Variants in SETBP1 observed in about 807,000 individuals in gnomAD.
The protein encoded by SETBP1 is SET binding protein 1, also known as SET-binding protein.
A neutral mutation model predicts 101.0 loss-of-function variants in SETBP1; 9 were observed. The observed-to-expected ratio is 0.09, with a 90% CI of 0.05 to 0.16. The LOEUF (loss-of-function observed/expected upper bound fraction) is 0.16. Ranked by LOEUF, SETBP1 falls within the 10% of genes least tolerant of loss-of-function variation. The probability of loss-of-function intolerance (pLI) is 1.00; values close to 1 mark genes in which losing one functional copy is unlikely to be tolerated. For missense variants in SETBP1, 1,858 were observed against 2,033.8 expected (o/e 0.91, Z 1.66); for synonymous variants, 818 against 788.5 (o/e 1.04, Z -0.63).
intron 1 of SETBP1, among the ~76,000 whole-genome samples, chr18:44,688,705 G>A (rs764447668): frequency 8.6e-5 from 13 of 151,930 alleles, no homozygotes; most frequent in South Asian, 4.2e-4. Flanking sequence ...CGCCTGCCTC[G>A]GCCTCCCAAA....
At chr18:44,682,623 G>A (rs899032488) in intron 1 of SETBP1, among the ~76,000 whole-genome samples, 3 of 152,204 alleles carry the variant, frequency 2.0e-5, no homozygotes, top group African/African-American at 7.2e-5. Flanking sequence ...CTCATTGCCT[G>A]TTCCCAGAAA....
intron 2 of SETBP1, among the ~76,000 whole-genome samples, chr18:44,713,338 C>CGGG (rs569058546): frequency 1.6e-4 from 24 of 151,654 alleles, no homozygotes; most frequent in African/African-American, 5.8e-4. Context: ...AAGGCCTTCA[C>CGGG]GGGGGGGGAC....
At chr18:45,057,911 G>T (rs1034026083) in intron 5 of SETBP1, among the ~76,000 whole-genome samples, 2 of 152,150 alleles carry the variant, frequency 1.3e-5, no homozygotes, top group African/African-American at 4.8e-5. Flanking sequence ...TACAAATTCT[G>T]CATCCAAAAA....
chr18:44,742,274 C>T (rs1015620498), intron 2 of SETBP1, among the ~76,000 whole-genome samples: 4 of 152,200 alleles, frequency 2.6e-5, no homozygotes, highest in African/African-American at 9.6e-5. Flanking sequence ...CCCCGCACCC[C>T]GGTCTCCTGA....
chr18:44,772,919 A>G (rs2070908208), intron 2 of SETBP1, among the ~76,000 whole-genome samples: 1 of 152,222 alleles, frequency 6.6e-6, no homozygotes, highest in Non-Finnish European at 1.5e-5. Flanking sequence ...TATTCTATTC[A>G]TATTTTCATA....
intron 2 of SETBP1, among the ~76,000 whole-genome samples, chr18:44,846,927 G>A (rs2072736204): frequency 6.6e-6 from 1 of 152,158 alleles, no homozygotes; most frequent in African/African-American, 2.4e-5. Context: ...TTTCCACATG[G>A]GGCTGAGGCT....
chr18:44,952,758 G>A lies in SETBP1; in HGVS notation c.3418G>A (p.Ala1140Thr). The A allele has an allele frequency of 6.2e-7, 1 of 1,614,100 alleles. No individual in the cohort carries two copies. Among genetic ancestry groups the A allele is most frequent in the Non-Finnish European group, 8.5e-7 (1 of 1,180,016 alleles). ...PSLNPPKVGSASLSSGRLHKR... is the reference protein window; with the variant it reads ...PSLNPPKVGSTSLSSGRLHKR... ...TCTGAACCCTCCCAAGGTAGGCAGT[G>A]CCAGTCTGTCCAGTGGTCGGCTCCA... Residue 1140 changes from alanine to threonine, a missense_variant, in exon 4 of 6, where the codon GCC becomes ACC. Ala to Thr is a moderately conservative substitution (Grantham distance 58, BLOSUM62 0). This residue lies in a region of SETBP1 where 417 missense variants were observed against 389.1 expected (regional missense o/e 1.07). Coordinates refer to ENST00000649279, the MANE Select transcript of SETBP1 (RefSeq NM_015559.3).
intron 3 of SETBP1, among the ~76,000 whole-genome samples, chr18:44,929,283 C>T (rs1305172116): frequency 6.6e-6 from 1 of 152,096 alleles, no homozygotes; most frequent in Admixed American, 6.6e-5. Flanking sequence ...TACTCTGTTC[C>T]ATTGGTCTAT....
intron 2 of SETBP1, among the ~76,000 whole-genome samples, chr18:44,734,932 C>A (rs1289259790): frequency 1.3e-5 from 2 of 152,216 alleles, no homozygotes; most frequent in Non-Finnish European, 2.9e-5. Flanking sequence ...CAAATTGACT[C>A]TATATGATTA....
intron 2 of SETBP1, among the ~76,000 whole-genome samples, chr18:44,764,993 C>A (rs1228898248): frequency 1.3e-5 from 2 of 152,092 alleles, no homozygotes; most frequent in Non-Finnish European, 2.9e-5. Context: ...GTGAAGTAAT[C>A]CCCTCTAAAA....
At chr18:44,757,207 C>A (rs2070516325) in intron 2 of SETBP1, among the ~76,000 whole-genome samples, 1 of 152,118 alleles carries the variant, frequency 6.6e-6, no homozygotes, top group Non-Finnish European at 1.5e-5. Flanking sequence ...CCTTCAGTGG[C>A]CACTCCCCCT....
intron 2 of SETBP1, among the ~76,000 whole-genome samples, chr18:44,738,126 A>T (rs1383412026): frequency 6.6e-6 from 1 of 152,172 alleles, no homozygotes; most frequent in African/African-American, 2.4e-5. Flanking sequence ...TGACTTGCCC[A>T]TATAAACTGC....
Position 45,063,428 on chromosome 18 carries a change from C to T in SETBP1, c.4521C>T (p.Ala1507=). The T allele has an allele frequency of 4.0e-6, 6 of 1,515,168 alleles. 1 individual carries two copies. Among genetic ancestry groups the T allele is most frequent in the South Asian group, 3.9e-5 (3 of 77,712 alleles). The allele number at this position is 1,515,168 out of a possible 1,614,324, so 93.9% of individuals were successfully genotyped here. The change falls in exon 6 of 6, where the codon GCC becomes GCT. Residue 1507 remains alanine, a synonymous_variant. Transcript: ENST00000649279. ...EPAASQDTIM[A]TIEAVIHMAR... ...CCGCCAGCCAAGACACCATCATGGCCACCATCGAGGCGGTCATCCACATGG... is the reference window on the plus strand; with the variant it reads ...CCGCCAGCCAAGACACCATCATGGCTACCATCGAGGCGGTCATCCACATGG...
chr18:45,052,101 C>G (rs1158148737), intron 5 of SETBP1, among the ~76,000 whole-genome samples: 2 of 152,242 alleles, frequency 1.3e-5, no homozygotes, highest in Non-Finnish European at 2.9e-5. Context: ...CGTACAGTGC[C>G]TGGCACAAAC....
Position 44,770,121 on chromosome 18 carries a change from A to G in SETBP1, c.486+68289A>G, listed in dbSNP as rs141433769. On this transcript the variant is annotated intron_variant, in intron 2 of 5. Coordinates refer to ENST00000649279, the MANE Select transcript of SETBP1 (RefSeq NM_015559.3). ...ATCAAACACAGAATGCAAATTCTAC[A>G]GGAGAGATAATACTGATTTCTATTC... Among the ~76,000 whole-genome samples, 113 of 152,354 alleles carry G rather than the reference A, an allele frequency of 7.4e-4. 3 individuals carry two copies. The South Asian group carries it at 0.023, about 30-fold the overall frequency.
At chr18:44,932,303 G>C (rs2070855236) in intron 3 of SETBP1, among the ~76,000 whole-genome samples, 1 of 152,354 alleles carries the variant, frequency 6.6e-6, no homozygotes, top group South Asian at 2.1e-4. Flanking sequence ...TCTGCTGAGA[G>C]ATCCGCTGTT....
chr18:44,995,421 G>A (rs552200210), intron 4 of SETBP1, among the ~76,000 whole-genome samples: 35 of 152,106 alleles, frequency 2.3e-4, no homozygotes, highest in Admixed American at 1.2e-3. Context: ...GATTATAGGC[G>A]TGAGCCACTG....
intron 2 of SETBP1, among the ~76,000 whole-genome samples, chr18:44,775,089 C>T (rs756820001): frequency 2.6e-5 from 4 of 152,160 alleles, no homozygotes; most frequent in African/African-American, 4.8e-5. Flanking sequence ...TGCATTGCTA[C>T]TAAAGGTCTC....
At chr18:45,048,978 CAAAAAAAAA>C (rs71177665) in intron 5 of SETBP1, among the ~76,000 whole-genome samples, 23 of 46,650 alleles carry the variant, frequency 4.9e-4, no homozygotes, top group Middle Eastern at 0.021. Flanking sequence ...GACTCCGTCT[CAAAAAAAAA>C]AAAAAAAAAA....
Sources: allele counts gnomAD v4.1 joint callset (sites outside exome capture counted in the v4.1 genomes callset), GRCh38; gene constraint gnomAD v4.1.1; regional missense constraint gnomAD v4.1.1; transcripts MANE v1.5; gene names NCBI Gene and HGNC (gene_info 2026-07-23, HGNC 2026-07-21).